Variants in TRPC4 observed in about 807,000 individuals in gnomAD.
TRPC4 encodes the protein short transient receptor potential channel 4.
In TRPC4, 49 loss-of-function variants were observed where a neutral mutation model predicts 99.4. The ratio of observed to expected loss-of-function variants is 0.49; its 90% CI spans 0.39 to 0.63. The LOEUF (loss-of-function observed/expected upper bound fraction) is 0.63, where lower values mean the gene tolerates loss of function less well. Ranked by LOEUF, TRPC4 falls within the 20% of genes least tolerant of loss-of-function variation. The pLI, the probability that TRPC4 is intolerant of heterozygous loss-of-function variation, is 0.00. For missense variants in TRPC4, 898 were observed against 1,152.9 expected (o/e 0.78, Z 3.20); for synonymous variants, 454 against 425.9 (o/e 1.07, Z -0.81).
chr13:37,829,586 GT>G (rs1342289089), intron 1 of TRPC4, among the ~76,000 whole-genome samples: 2 of 152,162 alleles, frequency 1.3e-5, no homozygotes, highest in African/African-American at 4.8e-5. Context: ...CACTTCAGTG[GT>G]TCCTCAAAAA....
At chr13:37,829,769 A>C (rs1434617188) in intron 1 of TRPC4, among the ~76,000 whole-genome samples, 1 of 152,210 alleles carries the variant, frequency 6.6e-6, no homozygotes, top group Non-Finnish European at 1.5e-5. Flanking sequence ...TGAATGGTAA[A>C]ATCAAATATA....
intron 3 of TRPC4, among the ~76,000 whole-genome samples, chr13:37,724,153 C>T (rs1397741630): frequency 1.3e-5 from 2 of 151,964 alleles, no homozygotes; most frequent in African/African-American, 4.8e-5. Context: ...TTAAAAATCT[C>T]TAAGACATAT....
intron 1 of TRPC4, among the ~76,000 whole-genome samples, chr13:37,846,758 G>T (rs1958915194): frequency 6.6e-6 from 1 of 151,770 alleles, no homozygotes; most frequent in Non-Finnish European, 1.5e-5. Flanking sequence ...TCAATAAAAA[G>T]ACATAGATTG....
chr13:37,799,318 G>A (rs944945146), intron 1 of TRPC4, among the ~76,000 whole-genome samples: 7 of 152,060 alleles, frequency 4.6e-5, no homozygotes, highest in East Asian at 3.9e-4. Context: ...CAACTTGCCC[G>A]TTACTAATTT....
intron 1 of TRPC4, among the ~76,000 whole-genome samples, chr13:37,859,173 A>ACTGAT (rs1959201976): frequency 2.0e-5 from 3 of 151,624 alleles, no homozygotes; most frequent in Non-Finnish European, 4.4e-5. Flanking sequence ...AGAGCTGTAA[A>ACTGAT]TAAAATATAC....
At chr13:37,844,515 G>A (rs1015268117) in intron 1 of TRPC4, among the ~76,000 whole-genome samples, 3 of 151,994 alleles carry the variant, frequency 2.0e-5, no homozygotes, top group African/African-American at 4.8e-5. Context: ...GGCTGGTCTC[G>A]AACTCCTGAC....
At chr13:37,861,496 A>G (rs578048671) in intron 1 of TRPC4, among the ~76,000 whole-genome samples, 2 of 151,642 alleles carry the variant, frequency 1.3e-5, no homozygotes, top group Non-Finnish European at 3.0e-5. Context: ...TAAATACAAT[A>G]GAATGCAAAG....
intron 1 of TRPC4, among the ~76,000 whole-genome samples, chr13:37,833,468 G>A (rs1566208176): frequency 2.0e-5 from 3 of 152,204 alleles, no homozygotes; most frequent in East Asian, 1.9e-4. Flanking sequence ...AGCTGTTAAC[G>A]TCTTTCCTAC....
intron 2 of TRPC4, among the ~76,000 whole-genome samples, chr13:37,753,009 C>G (rs74047153): frequency 0.041 from 6,253 of 151,778 alleles, 349 homozygotes; most frequent in African/African-American, 0.13. Context: ...CACACACACA[C>G]AGTATAATAC....
At chr13:37,759,993 A>G (rs1593678432) in intron 2 of TRPC4, among the ~76,000 whole-genome samples, 1 of 152,156 alleles carries the variant, frequency 6.6e-6, no homozygotes, top group Non-Finnish European at 1.5e-5. Flanking sequence ...GCCATTGAAT[A>G]TTTGAATTAG....
intron 1 of TRPC4, among the ~76,000 whole-genome samples, chr13:37,793,875 G>T (rs655207): frequency 0.59 from 89,591 of 151,930 alleles, 26,719 homozygotes; most frequent in Admixed American, 0.69. Context: ...AGGAACTTAC[G>T]CTAGAGTTGT....
Position 37,639,112 on chromosome 13 carries a change from C to T in TRPC4, c.2139G>A (p.Leu713=). The T allele has an allele frequency of 6.2e-7, 1 of 1,613,634 alleles. No individual in the cohort carries two copies. The highest frequency in any genetic ancestry group is 8.5e-7 in the Non-Finnish European group (1 of 1,179,620). ...HHQYQEVMRN[L]VKRYVAAMIR... ...TCATTGCAGCAACGTATCGCTTCACCAGGTTCCTCATAACTTCCTGAGGCA... is the reference window on the plus strand; with the variant it reads ...TCATTGCAGCAACGTATCGCTTCACTAGGTTCCTCATAACTTCCTGAGGCA... Residue 713 remains leucine (L), a synonymous_variant, in exon 10 of 11, where the codon CTG becomes CTA. Coordinates refer to ENST00000379705, the MANE Select transcript of TRPC4 (RefSeq NM_016179.4).
chr13:37,727,632 A>G (rs1000989329), intron 3 of TRPC4, among the ~76,000 whole-genome samples: 2 of 152,078 alleles, frequency 1.3e-5, no homozygotes, highest in African/African-American at 4.8e-5. Context: ...GTTCTTCAAA[A>G]TGATCAATAA....
rs368777075 is a variant in TRPC4 at position 37,690,114 on chromosome 13, C to G, written c.1234+1885G>C. Among the ~76,000 whole-genome samples the G allele has an allele frequency of 3.3e-5, 5 of 152,100 alleles. No individual in the cohort carries two copies. The East Asian group carries it at 9.6e-4, about 29-fold the overall frequency. On this transcript the variant is annotated intron_variant, in intron 4 of 10. Coordinates refer to ENST00000379705, the MANE Select transcript of TRPC4 (RefSeq NM_016179.4). ...TAGCCATTATGGAAAATGTAACATC[C>G]TAAACTCTTCTGTAAGAATTGTTCC... is the stretch of plus-strand genomic sequence containing the variant.
Position 37,712,472 on chromosome 13 carries a change from T to A in TRPC4, c.898-20137A>T, listed in dbSNP as rs565072828. 3.3e-5 allele frequency among the ~76,000 whole-genome samples: 5 copies of A among 152,356 alleles called. No homozygotes were observed. The South Asian group carries it at 1.0e-3, about 32-fold the overall frequency. ...ATGATACCTAGTCCCATGCATTTTT[T>A]CATTGTCACGCTATCAGTGAGCGAT... is the stretch of plus-strand genomic sequence containing the variant. On this transcript the variant is annotated intron_variant, in intron 3 of 10. Transcript: ENST00000379705.
rs551125808 is a variant in TRPC4 at position 37,667,346 on chromosome 13, G to A, written c.1375-3617C>T. On this transcript the variant is annotated intron_variant, in intron 5 of 10. Coordinates refer to ENST00000379705, the MANE Select transcript of TRPC4 (RefSeq NM_016179.4). ...TTTTGAGACGTAGTCTTGCTCTGTC[G>A]CCCAGGCTGGAGTACAGTGCCGCAA... Among the ~76,000 whole-genome samples the A allele has an allele frequency of 2.0e-3, 308 of 152,150 alleles. 1 individual carries two copies. Among genetic ancestry groups the A allele is most frequent in the Middle Eastern group, 6.8e-3 (2 of 294 alleles).
intron 1 of TRPC4, among the ~76,000 whole-genome samples, chr13:37,825,643 T>C (rs1958181131): frequency 1.4e-5 from 2 of 143,810 alleles, no homozygotes; most frequent in South Asian, 4.6e-4. Flanking sequence ...AGAGATAGTT[T>C]GTTATAATTT....
intron 1 of TRPC4, among the ~76,000 whole-genome samples, chr13:37,837,386 G>A (rs1004132773): frequency 6.6e-6 from 1 of 152,258 alleles, no homozygotes; most frequent in African/African-American, 2.4e-5. Flanking sequence ...GCCCATGAAA[G>A]CAGCCAGGAG....
chr13:37,674,460 C>A (rs1050467770), intron 4 of TRPC4, 93 bp from the exon 5 acceptor site: 1 of 1,335,660 alleles, frequency 7.5e-7, no homozygotes, highest in African/African-American at 1.5e-5. Context: ...CTCGAAGCTA[C>A]AAGAGACCAC....
Sources: gnomAD v4.1 joint callset for allele counts (sites outside exome capture counted in the v4.1 genomes callset) on GRCh38, gnomAD v4.1.1 for gene constraint, MANE v1.5 for transcripts, NCBI Gene and HGNC (gene_info 2026-07-23, HGNC 2026-07-21) for gene names.